OPCML: variants seen among roughly 807,000 people sequenced by gnomAD.
OPCML encodes the protein opioid binding protein/cell adhesion molecule like, also known as opioid-binding protein/cell adhesion molecule.
OPCML carries 13 observed loss-of-function variants against 37.8 expected under a neutral mutation model. The ratio of observed to expected loss-of-function variants is 0.34; its 90% CI spans 0.22 to 0.55. The LOEUF (loss-of-function observed/expected upper bound fraction) is 0.55. OPCML is among the 20% of genes least tolerant of loss of function. OPCML has a pLI of 0.91. For synonymous variants in OPCML, 176 were observed against 168.8 expected, an observed-to-expected ratio of 1.04 and a Z score of -0.33; for missense variants, 341 against 435.6, an observed-to-expected ratio of 0.78 and a Z score of 1.93.
At chr11:133,459,057 T>TTCCC (rs1946797201) in intron 1 of OPCML, among the ~76,000 whole-genome samples, 1 of 152,012 alleles carries the variant, frequency 6.6e-6, no homozygotes, top group African/African-American at 2.4e-5. Flanking sequence ...TATAAAGATG[T>TTCCC]AATTTGTGAC....
chr11:132,813,145 CA>C (rs1199309599), intron 2 of OPCML, among the ~76,000 whole-genome samples: 38 of 152,100 alleles, frequency 2.5e-4, no homozygotes, highest in Non-Finnish European at 1.0e-4. Flanking sequence ...ACTCAGTACA[CA>C]TTTTTTTTAG....
intron 1 of OPCML, among the ~76,000 whole-genome samples, chr11:133,193,915 A>G (rs1225348389): frequency 1.3e-5 from 2 of 152,230 alleles, no homozygotes; most frequent in African/African-American, 4.8e-5. Context: ...TAATGAAAAC[A>G]GAAAGAAAAA....
intron 1 of OPCML, among the ~76,000 whole-genome samples, chr11:133,514,560 C>T (rs978597637): frequency 7.9e-5 from 12 of 152,096 alleles, no homozygotes; most frequent in Non-Finnish European, 7.3e-5. Flanking sequence ...TAGAAGTAAC[C>T]TAAAGACTAA....
At chr11:133,365,831 A>T (rs1367186163) in intron 1 of OPCML, 2 of 152,206 alleles carry the variant, frequency 1.3e-5, no homozygotes, top group Non-Finnish European at 2.9e-5. Flanking sequence ...GCAGTAACTG[A>T]GTTTTTCATG....
At chr11:132,525,857 C>T (rs2096306894) in intron 4 of OPCML, 3 of 152,288 alleles carry the variant, frequency 2.0e-5, no homozygotes, top group South Asian at 4.2e-4. Context: ...ATTAGCATGG[C>T]CCGTGCGCTT....
rs932535823 is a variant in OPCML, at chr11:133,212,080, G to T, written c.62-269070C>A. ...TAAGCAGAGCCTTTAAAGGGGTGGG[G>T]TTACACCTGCATAGTGAGGTGGGGG... On this transcript the variant is annotated intron_variant, in intron 1 of 7. Transcript: ENST00000524381. This position sits in a 1 kb window ranked among gnomAD's most constrained non-coding sequence, Gnocchi z 4.9. Among the ~76,000 whole-genome samples the T allele has an allele frequency of 2.6e-5, 4 of 152,092 alleles. No homozygotes were observed. The highest frequency in any genetic ancestry group is 1.3e-4 in the Admixed American group (2 of 15,262).
intron 1 of OPCML, among the ~76,000 whole-genome samples, chr11:133,376,206 T>G (rs1944800592): frequency 6.6e-6 from 1 of 152,160 alleles, no homozygotes; most frequent in Non-Finnish European, 1.5e-5. Context: ...TTTTTTAATG[T>G]GCCTTTTGTA....
intron 1 of OPCML, among the ~76,000 whole-genome samples, chr11:133,289,062 C>T (rs1942385012): frequency 1.3e-5 from 2 of 152,094 alleles, no homozygotes; most frequent in African/African-American, 2.4e-5. Flanking sequence ...AAGTCACAGC[C>T]ATGATTTTGA....
intron 1 of OPCML, among the ~76,000 whole-genome samples, chr11:133,530,287 C>T (rs1948578470): frequency 6.6e-6 from 1 of 152,258 alleles, no homozygotes; most frequent in African/African-American, 2.4e-5. Context: ...TGGCTCCTGG[C>T]TCCTTCAGGG....
At chr11:133,221,509 G>A (rs969644329) in intron 1 of OPCML, among the ~76,000 whole-genome samples, 3 of 152,294 alleles carry the variant, frequency 2.0e-5, no homozygotes, top group African/African-American at 2.4e-5. Flanking sequence ...ACAGTGCCTC[G>A]TCCATGGTGG....
In OPCML at chr11:133,186,128, G is replaced by A. The variant is rs192925565; in HGVS notation, c.62-243118C>T. Reference sequence around the variant, plus strand: ...ATCATTTAGTTTGTTCATGAGACTTGGCTTTCAATGGCATTTAATTGCTTC... The same window carrying A: ...ATCATTTAGTTTGTTCATGAGACTTAGCTTTCAATGGCATTTAATTGCTTC... On this transcript the variant is annotated intron_variant, in intron 1 of 7. Transcript: ENST00000524381. Among the ~76,000 whole-genome samples, 23 of 152,272 alleles carry A rather than the reference G, an allele frequency of 1.5e-4. No individual in the cohort carries two copies. In the East Asian group the frequency reaches 4.2e-3, roughly 28 times the overall value.
intron 1 of OPCML, among the ~76,000 whole-genome samples, chr11:133,434,754 C>A (rs1387878790): frequency 7.0e-6 from 1 of 141,984 alleles, no homozygotes; most frequent in Non-Finnish European, 1.5e-5. Context: ...TAAGTAGATC[C>A]AATCAAGTGA....
intron 1 of OPCML, among the ~76,000 whole-genome samples, chr11:132,946,409 T>G (rs959613641): frequency 6.6e-6 from 1 of 152,248 alleles, no homozygotes; most frequent in Non-Finnish European, 1.5e-5. Context: ...TCAAGTATTA[T>G]GTACTGTACA....
intron 1 of OPCML, among the ~76,000 whole-genome samples, chr11:133,089,010 C>T (rs562014303): frequency 2.4e-4 from 37 of 152,274 alleles, no homozygotes; most frequent in African/African-American, 8.7e-4. Flanking sequence ...TAGATGAACC[C>T]GCTGATATAC....
At chr11:132,614,281 T>C (rs1169895774) in intron 3 of OPCML, among the ~76,000 whole-genome samples, 3 of 152,122 alleles carry the variant, frequency 2.0e-5, no homozygotes, top group Non-Finnish European at 2.9e-5. Flanking sequence ...CATCAGATTT[T>C]CCTGAGCCTG....
chr11:133,238,011 G>A (rs1226247426), intron 1 of OPCML, among the ~76,000 whole-genome samples: 1 of 152,218 alleles, frequency 6.6e-6, no homozygotes, highest in Non-Finnish European at 1.5e-5. Context: ...ATAAAACTGT[G>A]ACATTGCGGC....
rs117642810 is a variant in OPCML at position 133,420,463 on chromosome 11, G to A, written c.61+111801C>T. 1,587 of 985,092 alleles carry A rather than the reference G, an allele frequency of 1.6e-3. 24 individuals are homozygous for A. In the East Asian group the frequency reaches 0.049, roughly 31 times the overall value. 61.0% of individuals were successfully genotyped at this position (985,092 alleles called of 1,614,324 possible). Reference sequence around the variant, plus strand: ...TGTTTTCAATTTTTGTTTTCCTCTCGTATGCTTCTTCTTCTTTAGGACTTT... The same window carrying A: ...TGTTTTCAATTTTTGTTTTCCTCTCATATGCTTCTTCTTCTTTAGGACTTT... On this transcript the variant is annotated intron_variant, in intron 1 of 7. Coordinates refer to ENST00000524381, the MANE Select transcript of OPCML (RefSeq NM_001012393.5).
At chr11:132,559,690 A>T (rs2096406220) in intron 3 of OPCML, among the ~76,000 whole-genome samples, 1 of 152,206 alleles carries the variant, frequency 6.6e-6, no homozygotes, top group Non-Finnish European at 1.5e-5. Context: ...CCATGTGTCA[A>T]CTCGTAAAGA....
Position 133,060,701 on chromosome 11 carries a change from G to A in OPCML, c.62-117691C>T, listed in dbSNP as rs1488328824. Among the ~76,000 whole-genome samples, 5 of 152,246 alleles carry A rather than the reference G, an allele frequency of 3.3e-5. No homozygotes were observed. In the South Asian group the frequency reaches 1.0e-3, roughly 32 times the overall value. ...CTCATTCAAGATTCTACGTTTTCCT[G>A]AAGGGTGCTGAGAAAGCCTTAGAGC... On this transcript the variant is annotated intron_variant, in intron 1 of 7. Coordinates refer to ENST00000524381, the MANE Select transcript of OPCML (RefSeq NM_001012393.5).
Sources: allele counts gnomAD v4.1 joint callset (sites outside exome capture counted in the v4.1 genomes callset), GRCh38; gene constraint gnomAD v4.1.1; non-coding constraint Gnocchi (gnomAD v3.1); transcripts MANE v1.5; gene names NCBI Gene and HGNC (gene_info 2026-07-23, HGNC 2026-07-21).